The following PSPC1 variants were observed in gnomAD, a reference collection of about 807,000 sequenced individuals.
The protein encoded by PSPC1 is paraspeckle protein 1.
PSPC1 carries 14 observed loss-of-function variants against 51.6 expected under a neutral mutation model. The observed-to-expected ratio is 0.27, with a 90% CI of 0.18 to 0.42. The LOEUF is 0.42. Among genes scored for constraint, PSPC1 ranks in the 10% least tolerant of loss-of-function variants. PSPC1 has a pLI of 1.00. For synonymous variants in PSPC1, 193 were observed against 231.9 expected (o/e 0.83, Z 1.53); for missense variants, 406 against 701.1 (o/e 0.58, Z 4.75).
chr13:19,745,619 A>ATT (rs1162271178), intron 4 of PSPC1, among the ~76,000 whole-genome samples: 29 of 140,782 alleles, frequency 2.1e-4, no homozygotes, highest in Admixed American at 3.6e-4. Flanking sequence ...CACTGAATTA[A>ATT]TTTTTTTTTT....
intron 2 of PSPC1, 143 bp downstream of exon 2, chr13:19,772,099 A>C (rs1037949957): frequency 2.7e-5 from 24 of 900,298 alleles, no homozygotes; most frequent in Non-Finnish European, 4.0e-5. Context: ...GTACACGAAA[A>C]TTTCTTATTT....
intron 2 of PSPC1, among the ~76,000 whole-genome samples, chr13:19,770,478 G>A (rs1392993281): frequency 6.6e-6 from 1 of 152,036 alleles, no homozygotes; most frequent in African/African-American, 2.4e-5. Context: ...TGGCCAACAT[G>A]GTGAAACCCC....
At chr13:19,709,521 C>T (rs1440301589) in intron 7 of PSPC1, 21 bp downstream of exon 7, 9 of 1,600,846 alleles carry the variant, frequency 5.6e-6, no homozygotes, top group African/African-American at 1.3e-5. Flanking sequence ...ATTACAAAAG[C>T]CTTTTGCTTC....
chr13:19,722,524 T>C (rs1882890334), intron 6 of PSPC1, among the ~76,000 whole-genome samples: 1 of 152,050 alleles, frequency 6.6e-6, no homozygotes, highest in African/African-American at 2.4e-5. Context: ...CCAGGTGTAG[T>C]GGCTCACTCC....
chr13:19,744,961 G>A (rs535636689), intron 4 of PSPC1, among the ~76,000 whole-genome samples: 4 of 152,252 alleles, frequency 2.6e-5, no homozygotes, highest in East Asian at 3.9e-4. Flanking sequence ...ATCATCTACC[G>A]TATTACTTAT....
intron 3 of PSPC1, among the ~76,000 whole-genome samples, chr13:19,755,247 G>T (rs1886955964): frequency 6.7e-6 from 1 of 150,174 alleles, no homozygotes; most frequent in Admixed American, 6.7e-5. Flanking sequence ...AAAAAAAAAA[G>T]AAAAGAAAAG....
At chr13:19,671,236 G>A (rs1876110456), downstream of PSPC1, 2 of 1,613,798 alleles carry the variant, frequency 1.2e-6, no homozygotes, top group South Asian at 2.2e-5. Context: ...ATTCAGCCCT[G>A]TTGCAGGTCC....
chr13:19,726,830 C>T (rs2137896124), intron 6 of PSPC1, among the ~76,000 whole-genome samples: 1 of 152,314 alleles, frequency 6.6e-6, no homozygotes, highest in South Asian at 2.1e-4. Context: ...TCGGGTGCTA[C>T]AATGGAATGC....
chr13:19,741,768 A>AAT (rs772401485), intron 4 of PSPC1, 119 bp from the exon 5 acceptor site: 1 of 547,736 alleles, frequency 1.8e-6, no homozygotes, highest in Non-Finnish European at 3.2e-6. Flanking sequence ...TTTTATAATA[A>AAT]TGTAAGCTGG....
chr13:19,721,088 TAC>T (rs1291111254), intron 6 of PSPC1, among the ~76,000 whole-genome samples: 2 of 152,138 alleles, frequency 1.3e-5, no homozygotes, highest in African/African-American at 2.4e-5. Flanking sequence ...TAGATGATAC[TAC>T]AGAGATACTA....
intron 5 of PSPC1, among the ~76,000 whole-genome samples, chr13:19,738,725 G>C (rs1885112783): frequency 1.3e-5 from 2 of 152,042 alleles, no homozygotes; most frequent in Non-Finnish European, 2.9e-5. Context: ...GGCTAACACG[G>C]TGAAACCCCG....
At chr13:19,776,669 G>C (rs1889158953) in intron 1 of PSPC1, among the ~76,000 whole-genome samples, 1 of 151,724 alleles carries the variant, frequency 6.6e-6, no homozygotes, top group African/African-American at 2.4e-5. Context: ...AACCACAATT[G>C]GCTAATTTTT....
chr13:19,756,535 T>C (rs1887089129), intron 3 of PSPC1, among the ~76,000 whole-genome samples: 1 of 151,750 alleles, frequency 6.6e-6, no homozygotes, highest in Non-Finnish European at 1.5e-5. Context: ...GGAGTCTCAC[T>C]GTCATCCAGG....
intron 7 of PSPC1, among the ~76,000 whole-genome samples, chr13:19,708,081 A>G (rs918957549): frequency 1.3e-4 from 20 of 152,202 alleles, no homozygotes; most frequent in African/African-American, 4.8e-4. Context: ...CTTCCTGCAT[A>G]TATCAGAGAT....
chr13:19,712,604 G>C (rs952154617), intron 6 of PSPC1, among the ~76,000 whole-genome samples: 2 of 151,854 alleles, frequency 1.3e-5, no homozygotes, highest in Non-Finnish European at 2.9e-5. Flanking sequence ...CCCTTCTGGT[G>C]GTATATTATA....
intron 6 of PSPC1, among the ~76,000 whole-genome samples, chr13:19,682,231 C>G (rs1290213863): frequency 6.6e-6 from 1 of 152,132 alleles, no homozygotes; most frequent in Non-Finnish European, 1.5e-5. Context: ...TTGTATCTTT[C>G]AGCTGATATT....
chr13:19,674,265 A>AAAT (rs34862241), downstream of PSPC1, among the ~76,000 whole-genome samples: 14,948 of 152,222 alleles, frequency 0.098, 1,084 homozygotes, highest in Non-Finnish European at 0.15. Flanking sequence ...CTGCCAAAAT[A>AAAT]AATAGGGATT....
chr13:19,709,919 A>T lies in PSPC1; in HGVS notation c.1159-320T>A, dbSNP rs530976249. The stretch of plus-strand genomic sequence containing the variant: ...AAGACACATGCCTAGATTCCAAGCA[A>T]AGGAAAATCTAGTAATGATAACCAC... On this transcript the variant is annotated intron_variant, in intron 6 of 8. Transcript: ENST00000338910. 9.9e-3 allele frequency among the ~76,000 whole-genome samples: 1,500 copies of T among 152,060 alleles called. 3 individuals are homozygous for T. The highest frequency in any genetic ancestry group is 0.034 in the African/African-American group (1,425 of 41,490).
intron 1 of PSPC1, among the ~76,000 whole-genome samples, chr13:19,773,863 C>T (rs1228303060): frequency 6.6e-6 from 1 of 151,964 alleles, no homozygotes; most frequent in African/African-American, 2.4e-5. Flanking sequence ...ACTATATTCC[C>T]CATGCTGGTC....
Sources: allele counts gnomAD v4.1 joint callset (sites outside exome capture counted in the v4.1 genomes callset), GRCh38; gene constraint gnomAD v4.1.1; transcripts MANE v1.5; gene names NCBI Gene and HGNC (gene_info 2026-07-23, HGNC 2026-07-21).